Variants in DOT1L observed in about 807,000 individuals in gnomAD.
DOT1L encodes histone-lysine N-methyltransferase, H3 lysine-79 specific.
A neutral mutation model predicts 153.3 loss-of-function variants in DOT1L; 33 were observed. The observed-to-expected ratio is 0.22, with a 90% CI of 0.16 to 0.29. The LOEUF (loss-of-function observed/expected upper bound fraction) is 0.29. Ranked by LOEUF, DOT1L falls within the 10% of genes least tolerant of loss-of-function variation. DOT1L has a pLI of 1.00. For synonymous variants in DOT1L, 1,135 were observed against 965.1 expected, an observed-to-expected ratio of 1.18 and a Z score of -3.26; for missense variants, 1,847 against 2,119.9, an observed-to-expected ratio of 0.87 and a Z score of 2.53.
At chr19:2,219,835 C>T (rs1025236362) in intron 22 of DOT1L, among the ~76,000 whole-genome samples, 4 of 152,144 alleles carry the variant, frequency 2.6e-5, no homozygotes, top group Non-Finnish European at 4.4e-5. Context: ...CCAGTACCCC[C>T]TCCCCACAGC....
intron 3 of DOT1L, among the ~76,000 whole-genome samples, chr19:2,188,872 C>T (rs555897417): frequency 3.3e-5 from 5 of 152,294 alleles, no homozygotes; most frequent in Admixed American, 6.5e-5. Flanking sequence ...CCCTCTGAGC[C>T]CAGGCCTGGC....
intron 3 of DOT1L, chr19:2,188,276 C>T (rs1473976806): frequency 1.3e-5 from 2 of 151,626 alleles, no homozygotes; most frequent in Non-Finnish European, 2.9e-5. Context: ...AACCTCGGCA[C>T]ATGCAGTGCC....
At chr19:2,212,096 A>T in intron 16 of DOT1L, 1 of 449,300 alleles carries the variant, frequency 2.2e-6, no homozygotes, top group Non-Finnish European at 4.0e-6. Flanking sequence ...CACCCAGCAC[A>T]GTTTGAACAA....
intron 25 of DOT1L, among the ~76,000 whole-genome samples, chr19:2,225,168 C>T (rs1041127670): frequency 6.6e-6 from 1 of 152,180 alleles, no homozygotes; most frequent in Non-Finnish European, 1.5e-5. Flanking sequence ...GCCCTGGAGT[C>T]CCTGCCAGGA....
At chr19:2,200,964 C>G (rs534376622) in intron 8 of DOT1L, among the ~76,000 whole-genome samples, 187 of 143,238 alleles carry the variant, frequency 1.3e-3, no homozygotes, top group African/African-American at 4.7e-3. Context: ...TCCCCGCATT[C>G]CTCGTCCTCC....
Position 2,220,090 on chromosome 19 carries a change from A to G in DOT1L, c.2692-18A>G, listed in dbSNP as rs762243129. On this transcript the variant is annotated intron_variant, in intron 22 of 27. Coordinates refer to ENST00000398665, the MANE Select transcript of DOT1L (RefSeq NM_032482.3). The surrounding 1 kb of genome is among the most constrained non-coding windows in gnomAD (Gnocchi z 4.5). The stretch of plus-strand genomic sequence containing the variant: ...GGGGCACCTGCTGCCCCTGACACAC[A>G]GGGTTTTCTCTCTGCAGAGGAGCAC... 46 of 1,586,930 alleles carry G rather than the reference A, an allele frequency of 2.9e-5. No individual in the cohort carries two copies. Among genetic ancestry groups the G allele is most frequent in the African/African-American group, 8.1e-5 (6 of 74,372 alleles).
At chr19:2,211,237 G>A (rs1267553595) in intron 15 of DOT1L, 25 bp downstream of exon 15, 29 of 1,575,980 alleles carry the variant, frequency 1.8e-5, no homozygotes, top group Non-Finnish European at 2.1e-5. Flanking sequence ...GGCGTCCGGC[G>A]AAGGGTTCTG....
Position 2,207,559 on chromosome 19 carries a change from C to T in DOT1L, c.857-15C>T. On this transcript the variant is annotated splice_polypyrimidine_tract_variant and intron_variant, in intron 10 of 27. Transcript: ENST00000398665. The surrounding 1 kb of genome is among the most constrained non-coding windows in gnomAD (Gnocchi z 4.5). ...GGGCAGGCGCAGGCCCCGGCCTCAC[C>T]TGTGGCTCCTGCAGACATCGGCACC... is the stretch of plus-strand genomic sequence containing the variant. 1 of 1,604,600 alleles carries T rather than the reference C, an allele frequency of 6.2e-7. No homozygotes were observed.
intron 26 of DOT1L, 139 bp from the exon 27 acceptor site, chr19:2,226,044 G>C: frequency 4.4e-6 from 4 of 912,108 alleles, no homozygotes; most frequent in Non-Finnish European, 6.3e-6. Flanking sequence ...CTCCCATCCT[G>C]TCCCGCTTGG....
At chr19:2,166,335 A>T (rs887616516) in intron 1 of DOT1L, among the ~76,000 whole-genome samples, 22 of 151,768 alleles carry the variant, frequency 1.4e-4, no homozygotes, top group Admixed American at 3.3e-4. Context: ...ACCTCTGGTG[A>T]TCCGCCTGCC....
Position 2,222,331 on chromosome 19 carries a change from C to A in DOT1L, c.3162C>A (p.Gly1054=). Residue 1054 remains glycine, a synonymous_variant, in exon 24 of 28, where the codon GGC becomes GGA. Coordinates refer to ENST00000398665, the MANE Select transcript of DOT1L (RefSeq NM_032482.3). The surrounding 1 kb of genome is among the most constrained non-coding windows in gnomAD (Gnocchi z 6.5). ...TGTTCACCATCACCACTGGTGCGGG[C>A]AGTGCCAAGCAGTCGCCCTCCAGCA... ...RIVFTITTGA[G]SAKQSPSSKH... is the part of the protein sequence containing the mutation. The A allele has an allele frequency of 6.2e-7, 1 of 1,612,868 alleles. No individual in the cohort carries two copies. The highest frequency in any genetic ancestry group is 8.5e-7 in the Non-Finnish European group (1 of 1,179,868).
intron 25 of DOT1L, 124 bp from the exon 26 acceptor site, chr19:2,225,262 CCT>C (rs1491063673): frequency 3.2e-6 from 3 of 931,976 alleles, no homozygotes; most frequent in Non-Finnish European, 5.1e-6. Context: ...GCACGGGTCC[CCT>C]GTCTGGGCCG....
rs369657151 is a variant in DOT1L, at chr19:2,225,472, C to T, written c.3661+20C>T. On this transcript the variant is annotated intron_variant, in intron 26 of 27. Coordinates refer to ENST00000398665, the MANE Select transcript of DOT1L (RefSeq NM_032482.3). ...AAAATGGTGAGTAACAAGTGTTTTG[C>T]GGCGTGGCCAGGCCTGTCCGTGTGG... 386 of 1,613,800 alleles carry T rather than the reference C, an allele frequency of 2.4e-4. 1 individual carries two copies. In the East Asian group the frequency reaches 7.0e-3, roughly 29 times the overall value.
intron 4 of DOT1L, 138 bp downstream of exon 4, chr19:2,189,933 G>A (rs1054421602): frequency 2.1e-5 from 21 of 978,942 alleles, no homozygotes; most frequent in African/African-American, 1.1e-4. Context: ...GTGGGGGGAC[G>A]ATGGGCTGTG....
intron 6 of DOT1L, 68 bp from the exon 7 acceptor site, chr19:2,194,447 A>C (rs2022931199): frequency 1.9e-6 from 3 of 1,585,168 alleles, no homozygotes; most frequent in Non-Finnish European, 2.6e-6. Flanking sequence ...CCGGGATTAC[A>C]GGCGTGAGCC....
rs1046406252 is a variant in DOT1L, at chr19:2,209,060, AGGAGCCACGACT to A, written c.1005+90_1005+101del. 4.8e-5 allele frequency: 72 copies of A among 1,492,276 alleles called. No individual in the cohort carries two copies. The African/African-American group carries it at 8.0e-4, about 17-fold the overall frequency. The allele number at this position is 1,492,276 out of a possible 1,614,324, so 92.4% of individuals were successfully genotyped here. A position where few individuals can be genotyped will look rare whatever the true frequency, so the allele number is the denominator to read the frequency against. On this transcript the variant is annotated intron_variant, in intron 12 of 27. Transcript: ENST00000398665. ...TGCAAAGCCGTGCGCAGCCGGGTTC[AGGAGCCACGACT>A]GGAGCACAGCCCTGCCGCCCCTCGG...
Position 2,191,521 on chromosome 19 carries a change from G to C in DOT1L, c.493+281G>C, listed in dbSNP as rs549523680. On this transcript the variant is annotated intron_variant, in intron 5 of 27. Coordinates refer to ENST00000398665, the MANE Select transcript of DOT1L (RefSeq NM_032482.3). The surrounding 1 kb of genome is among the most constrained non-coding windows in gnomAD (Gnocchi z 6.8). ...TCTGCTTTCGTCCTGCTTCCCACCA[G>C]CTGGGGAGCTAGACCTGTGCACCCT... is the stretch of plus-strand genomic sequence containing the variant. Among the ~76,000 whole-genome samples, 16 of 152,220 alleles carry C rather than the reference G, an allele frequency of 1.1e-4. No homozygotes were observed. The East Asian group carries it at 2.3e-3, about 22-fold the overall frequency.
chr19:2,229,986 AGAT>A lies in DOT1L; in HGVS notation c.*195_*197del. The A allele has an allele frequency of 6.2e-6, 5 of 801,864 alleles. No homozygotes were observed. The highest frequency in any genetic ancestry group is 9.7e-6 in the Non-Finnish European group (5 of 515,706). The allele number at this position is 801,864 out of a possible 1,614,324, so 49.7% of individuals were successfully genotyped here. The stretch of plus-strand genomic sequence containing the variant: ...TCCAGTTTGTACTGTCGATAGTTTT[AGAT>A]AAAGTATTTATCATTTTTTAAAAAG... On this transcript the variant is annotated 3_prime_UTR_variant, in exon 28 of 28. Coordinates refer to ENST00000398665, the MANE Select transcript of DOT1L (RefSeq NM_032482.3).
intron 3 of DOT1L, 135 bp downstream of exon 3, chr19:2,186,064 T>C: frequency 4.8e-6 from 4 of 830,344 alleles, no homozygotes; most frequent in Non-Finnish European, 5.9e-6. Context: ...GAGTTGGCCG[T>C]GGCCACCATA....
Sources: allele counts gnomAD v4.1 joint callset (sites outside exome capture counted in the v4.1 genomes callset), GRCh38; gene constraint gnomAD v4.1.1; non-coding constraint Gnocchi (gnomAD v3.1); transcripts MANE v1.5; gene names NCBI Gene and HGNC (gene_info 2026-07-23, HGNC 2026-07-21).